GLB1L2: variants seen among roughly 807,000 people sequenced by gnomAD.
The protein encoded by GLB1L2 is beta-galactosidase-1-like protein 2.
In GLB1L2, 68 loss-of-function variants were observed where a neutral mutation model predicts 84.1. That is an observed-to-expected ratio of 0.81 (90% confidence interval 0.67 to 0.99). The LOEUF (loss-of-function observed/expected upper bound fraction) is 0.99, where lower values mean the gene tolerates loss of function less well. Among genes scored for constraint, GLB1L2 ranks in the 50% least tolerant of loss-of-function variants. GLB1L2 has a pLI of 0.00. For synonymous variants in GLB1L2, 290 were observed against 318.0 expected, an observed-to-expected ratio of 0.91 and a Z score of 0.94; for missense variants, 762 against 805.6, an observed-to-expected ratio of 0.95 and a Z score of 0.66.
chr11:134,362,759 C>T (rs774737384), intron 7 of GLB1L2, among the ~76,000 whole-genome samples: 5 of 152,166 alleles, frequency 3.3e-5, no homozygotes, highest in Non-Finnish European at 5.9e-5. Context: ...GGATGGCCCC[C>T]GAGGAGGGGA....
At chr11:134,332,815 A>T (rs1242035657) in intron 1 of GLB1L2, among the ~76,000 whole-genome samples, 3 of 152,096 alleles carry the variant, frequency 2.0e-5, no homozygotes, top group Non-Finnish European at 4.4e-5. Context: ...TGATACTGTG[A>T]TTTACCCACA....
chr11:134,374,827 C>T lies in GLB1L2; in HGVS notation c.1824+109C>T, dbSNP rs1944004731. The T allele has an allele frequency of 2.6e-6, 3 of 1,155,246 alleles. No homozygotes were observed. In the South Asian group the frequency reaches 3.9e-5, roughly 15 times the overall value. The allele number at this position is 1,155,246 out of a possible 1,614,324, so 71.6% of individuals were successfully genotyped here. A position where few individuals can be genotyped will look rare whatever the true frequency, so the allele number is the denominator to read the frequency against. ...CGTGTCAGCGGGTTCTTCCTCCCTCCTCCTCGCTGCAGACGAGTTGTTGGT... is the reference window on the plus strand; with the variant it reads ...CGTGTCAGCGGGTTCTTCCTCCCTCTTCCTCGCTGCAGACGAGTTGTTGGT... On this transcript the variant is annotated intron_variant, in intron 18 of 18. Coordinates refer to ENST00000535456, the MANE Select transcript of GLB1L2 (RefSeq NM_001370461.1).
At chr11:134,360,409 A>G (rs1943766274) in intron 7 of GLB1L2, 1 of 152,362 alleles carries the variant, frequency 6.6e-6, no homozygotes, top group Admixed American at 6.5e-5. Context: ...GAGGACCAGC[A>G]GTGATCCCCA....
At chr11:134,369,317 T>C (rs544190617) in intron 10 of GLB1L2, among the ~76,000 whole-genome samples, 101 of 152,250 alleles carry the variant, frequency 6.6e-4, no homozygotes, top group African/African-American at 2.3e-3. Flanking sequence ...TTCGGCCTCC[T>C]GAGTAGCTGG....
At chr11:134,365,622 A>G (rs1943858822) in intron 8 of GLB1L2, among the ~76,000 whole-genome samples, 2 of 152,210 alleles carry the variant, frequency 1.3e-5, no homozygotes, top group Admixed American at 6.5e-5. Context: ...GATACAGCAG[A>G]ATGCCTTATG....
chr11:134,354,075 T>G (rs538484703), intron 5 of GLB1L2, among the ~76,000 whole-genome samples: 1 of 152,348 alleles, frequency 6.6e-6, no homozygotes, highest in South Asian at 2.1e-4. Flanking sequence ...TTTTGCCATT[T>G]TGTTGCTTTC....
rs1196275112 is a variant in GLB1L2 at position 134,334,604 on chromosome 11, A to G, written c.86+2457A>G. Among the ~76,000 whole-genome samples, 2 of 152,144 alleles carry G rather than the reference A, an allele frequency of 1.3e-5. No homozygotes were observed. Among genetic ancestry groups the G allele is most frequent in the African/African-American group, 4.8e-5 (2 of 41,422 alleles). ...TCACCACAGTTAAGATTGTGAAAAC[A>G]GCCACCAGCCCCCAAAGTTTCCATG... On this transcript the variant is annotated intron_variant, in intron 1 of 18. Coordinates refer to ENST00000535456, the MANE Select transcript of GLB1L2 (RefSeq NM_001370461.1). The surrounding 1 kb of genome is among the most constrained non-coding windows in gnomAD (Gnocchi z 4.1).
Position 134,371,761 on chromosome 11 carries a change from G to A in GLB1L2, c.1438G>A (p.Val480Met), listed in dbSNP as rs149988613. The change falls in exon 15 of 19, where the codon GTG becomes ATG. Residue 480 changes from valine to methionine, a missense_variant. Transcript: ENST00000535456. ...IAVPLIQGYT[V>M]LRILVENRGR... ...CCCGTGTTCCCGGCAGGGTTACACC[G>A]TGCTGAGGATCTTGGTGGAGAATCG... The A allele has an allele frequency of 4.1e-5, 66 of 1,614,130 alleles. No homozygotes were observed. Among genetic ancestry groups the A allele is most frequent in the South Asian group, 3.5e-4 (32 of 91,076 alleles).
chr11:134,344,411 G>T lies in GLB1L2; in HGVS notation c.309G>T (p.Glu103Asp). Residue 103 changes from glutamate (E) to aspartate (D), a missense_variant, in exon 3 of 19, where the codon GAG becomes GAT. Transcript: ENST00000535456. Reference protein sequence around the residue: ...LTTYVPWNLHEPERGKFDFSG... With the variant: ...LTTYVPWNLHDPERGKFDFSG... The stretch of plus-strand genomic sequence containing the variant: ...GCTATGTTCCGTGGAACCTGCATGA[G>T]CCAGAAAGAGGCAAATTTGACTTCT... 2 of 1,613,490 alleles carry T rather than the reference G, an allele frequency of 1.2e-6. No individual in the cohort carries two copies. The highest frequency in any genetic ancestry group is 1.7e-5 in the Admixed American group (1 of 60,036).
chr11:134,332,121 C>A lies in GLB1L2; in HGVS notation c.60C>A (p.Val20=). 1 of 1,586,426 alleles carries A rather than the reference C, an allele frequency of 6.3e-7. No homozygotes were observed. The highest frequency in any genetic ancestry group is 8.6e-7 in the Non-Finnish European group (1 of 1,168,170). The part of the protein sequence containing the change: ...PARTLGLLLL[V]VLGFLVLRRL... Reference sequence around the variant, plus strand: ...GCACGCTGGGACTCCTGCTGCTGGTCGTCTTGGGCTTCCTGGTGCTCCGCA... The same window carrying A: ...GCACGCTGGGACTCCTGCTGCTGGTAGTCTTGGGCTTCCTGGTGCTCCGCA... The change falls in exon 1 of 19, where the codon GTC becomes GTA. Residue 20 remains valine, a synonymous_variant. Transcript: ENST00000535456.
intron 1 of GLB1L2, among the ~76,000 whole-genome samples, chr11:134,340,559 C>T (rs192951812): frequency 2.6e-5 from 4 of 152,282 alleles, no homozygotes; most frequent in East Asian, 3.9e-4. Context: ...CAAAGCAAAG[C>T]GCCTGGTGAG....
chr11:134,374,531 C>A, intron 17 of GLB1L2, 71 bp from the exon 18 acceptor site: 1 of 1,199,384 alleles, frequency 8.3e-7, no homozygotes, highest in South Asian at 1.3e-5. Flanking sequence ...GAGAGAAGCA[C>A]GCATGCATGT....
intron 17 of GLB1L2, 75 bp from the exon 18 acceptor site, chr11:134,374,527 A>T: frequency 8.5e-7 from 1 of 1,170,246 alleles, no homozygotes; most frequent in Non-Finnish European, 1.3e-6. Context: ...ACCTGAGAGA[A>T]GCACGCATGC....
chr11:134,360,580 C>T (rs1943770748), intron 7 of GLB1L2: 1 of 152,170 alleles, frequency 6.6e-6, no homozygotes, highest in African/African-American at 2.4e-5. Context: ...CGGGAGCCGC[C>T]ACTGCTTTTC....
At chr11:134,347,862 C>T (rs1943573471) in intron 5 of GLB1L2, among the ~76,000 whole-genome samples, 1 of 152,164 alleles carries the variant, frequency 6.6e-6, no homozygotes, top group Admixed American at 6.5e-5. Flanking sequence ...TTAACCTTTG[C>T]CTATAAGACT....
intron 1 of GLB1L2, among the ~76,000 whole-genome samples, chr11:134,337,982 C>T (rs1943411212): frequency 6.6e-6 from 1 of 152,182 alleles, no homozygotes; most frequent in Admixed American, 6.5e-5. Flanking sequence ...GCCTTTGGGG[C>T]CGGCAAGGAC....
At chr11:134,352,774 A>G (rs949711129) in intron 5 of GLB1L2, among the ~76,000 whole-genome samples, 2 of 151,860 alleles carry the variant, frequency 1.3e-5, no homozygotes. Flanking sequence ...CACCCTCCCA[A>G]GTAGCTGGGA....
chr11:134,372,809 C>T (rs969621845), intron 15 of GLB1L2, among the ~76,000 whole-genome samples: 1 of 152,126 alleles, frequency 6.6e-6, no homozygotes, highest in Admixed American at 6.5e-5. Context: ...GGGATCAGGG[C>T]CCTTCTAGAT....
chr11:134,370,142 G>C lies in GLB1L2; in HGVS notation c.1109-151G>C. 1 of 761,748 alleles carries C rather than the reference G, an allele frequency of 1.3e-6. No individual in the cohort carries two copies. Among genetic ancestry groups the C allele is most frequent in the South Asian group, 1.6e-5 (1 of 62,522 alleles). The allele number at this position is 761,748 out of a possible 1,614,324, so 47.2% of individuals were successfully genotyped here. Reference sequence around the variant, plus strand: ...TCCCCCAGGCCTGGCCTTCCTCCCTGGCCTCAGCAGGTGCTGAGAGCTAGC... The same window carrying C: ...TCCCCCAGGCCTGGCCTTCCTCCCTCGCCTCAGCAGGTGCTGAGAGCTAGC... On this transcript the variant is annotated intron_variant, in intron 11 of 18. Coordinates refer to ENST00000535456, the MANE Select transcript of GLB1L2 (RefSeq NM_001370461.1). The surrounding 1 kb of genome is among the most constrained non-coding windows in gnomAD (Gnocchi z 4.7).
Sources: gnomAD v4.1 joint callset for allele counts (sites outside exome capture counted in the v4.1 genomes callset) on GRCh38, gnomAD v4.1.1 for gene constraint, Gnocchi (gnomAD v3.1) non-coding constraint, MANE v1.5 for transcripts, NCBI Gene and HGNC (gene_info 2026-07-23, HGNC 2026-07-21) for gene names.